UBE3A: variants seen among roughly 807,000 people sequenced by gnomAD.
UBE3A encodes ubiquitin protein ligase E3A.
A neutral mutation model predicts 83.4 loss-of-function variants in UBE3A; 6 were observed. That is an observed-to-expected ratio of 0.07 (90% CI 0.04 to 0.14). UBE3A has a LOEUF of 0.14. Among genes scored for constraint, UBE3A ranks in the 10% least tolerant of loss-of-function variants. The pLI, the probability that UBE3A is intolerant of heterozygous loss-of-function variation, is 1.00. For synonymous variants in UBE3A, 337 were observed against 355.4 expected, an observed-to-expected ratio of 0.95 and a Z score of 0.58; for missense variants, 456 against 1,036.1, an observed-to-expected ratio of 0.44 and a Z score of 7.69.
At chr15:25,426,598 A>T (rs1891384991) in intron 1 of UBE3A, among the ~76,000 whole-genome samples, 1 of 152,238 alleles carries the variant, frequency 6.6e-6, no homozygotes, top group Admixed American at 6.5e-5. Flanking sequence ...TGTAGCACTT[A>T]AACGCATAAA....
intron 3 of UBE3A, chr15:25,407,874 TAAC>T (rs1405653697): frequency 6.7e-6 from 1 of 149,748 alleles, no homozygotes; most frequent in African/African-American, 2.5e-5. Context: ...CTCATCCTAA[TAAC>T]AGTATATTTC....
intron 1 of UBE3A, among the ~76,000 whole-genome samples, chr15:25,435,802 T>G (rs911740319): frequency 6.6e-6 from 1 of 152,130 alleles, no homozygotes; most frequent in Non-Finnish European, 1.5e-5. Flanking sequence ...TGGTAAACAC[T>G]AGGAATTCCT....
In UBE3A at chr15:25,338,647, G is replaced by C. The variant is rs1038711290; in HGVS notation, c.*490C>G. The C allele has an allele frequency of 1.3e-5, 2 of 152,050 alleles. No individual in the cohort carries two copies. The highest frequency in any genetic ancestry group is 4.2e-4 in the South Asian group (2 of 4,816). 9.4% of individuals were successfully genotyped at this position (152,050 alleles called of 1,614,324 possible). On this transcript the variant is annotated 3_prime_UTR_variant, in exon 13 of 13. Coordinates refer to ENST00000648336, the MANE Select transcript of UBE3A (RefSeq NM_130839.5). ...AATCATTAAAAAAAATACAGTTCCT[G>C]ATTTGAGTTAGATACAGGGACAAAA...
Position 25,370,476 on chromosome 15 carries a change from T to G in UBE3A, c.1608+90A>C, listed in dbSNP as rs2080147197. The G allele has an allele frequency of 6.9e-7, 1 of 1,456,362 alleles. No homozygotes were observed. The highest frequency in any genetic ancestry group is 1.4e-5 in the African/African-American group (1 of 71,786). The allele number at this position is 1,456,362 out of a possible 1,614,324, so 90.2% of individuals were successfully genotyped here. The stretch of plus-strand genomic sequence containing the variant: ...CCATGTGTTCCTATGCTATATGGTA[T>G]CATTTTTTTCAGTCACTTTTAAAAT... On this transcript the variant is annotated intron_variant, in intron 6 of 12. Coordinates refer to ENST00000648336, the MANE Select transcript of UBE3A (RefSeq NM_130839.5). The surrounding 1 kb of genome is among the most constrained non-coding windows in gnomAD (Gnocchi z 4.2).
At chr15:25,433,207 C>T (rs8025830) in intron 1 of UBE3A, among the ~76,000 whole-genome samples, 144,248 of 149,480 alleles carry the variant, frequency 0.96, 69,748 homozygotes, top group East Asian at 1. Flanking sequence ...TTTTTTTTTT[C>T]TTTGAGAGGC....
chr15:25,354,492 C>T (rs201804128), intron 10 of UBE3A, 36 bp downstream of exon 10: 26 of 1,613,646 alleles, frequency 1.6e-5, no homozygotes, highest in Admixed American at 8.3e-5. Flanking sequence ...AACAATAAAT[C>T]GATACATGAC....
chr15:25,410,795 C>T (rs2089838479), intron 2 of UBE3A, among the ~76,000 whole-genome samples: 1 of 152,078 alleles, frequency 6.6e-6, no homozygotes, highest in African/African-American at 2.4e-5. Context: ...ATACTCCTAT[C>T]CTAACTATAC....
chr15:25,363,265 T>C (rs78338561), intron 6 of UBE3A, among the ~76,000 whole-genome samples: 1,993 of 152,302 alleles, frequency 0.013, 43 homozygotes, highest in African/African-American at 0.046. Context: ...ATAACCATAA[T>C]AATATAGTAA....
At position 25,338,127 on chromosome 15, in the gene UBE3A, G is replaced by C. The variant is rs183905650; in HGVS notation, c.*1010C>G. The C allele has an allele frequency of 2.6e-5, 4 of 152,102 alleles. No individual in the cohort carries two copies. The highest frequency in any genetic ancestry group is 5.9e-5 in the Non-Finnish European group (4 of 67,994). 9.4% of individuals were successfully genotyped at this position (152,102 alleles called of 1,614,324 possible). ...TGATTCAACAAGATGATGGCAACAC[G>C]AAGGGGAGACTTTGGATTGTCTATT... On this transcript the variant is annotated 3_prime_UTR_variant, in exon 13 of 13. Coordinates refer to ENST00000648336, the MANE Select transcript of UBE3A (RefSeq NM_130839.5).
Position 25,350,352 on chromosome 15 carries a change from G to GC in UBE3A, c.2354+4000dup, listed in dbSNP as rs1566870328. Among the ~76,000 whole-genome samples the GC allele has an allele frequency of 1.5e-4, 22 of 149,170 alleles. No homozygotes were observed. In the South Asian group the frequency reaches 4.2e-3, roughly 29 times the overall value. ...AACCAACTCTCCCTGCCCTGCACCC[G>GC]CCAACACACACATACATCAAAAACC... On this transcript the variant is annotated intron_variant, in intron 11 of 12. Coordinates refer to ENST00000648336, the MANE Select transcript of UBE3A (RefSeq NM_130839.5).
At chr15:25,381,656 T>C (rs765957462) in intron 4 of UBE3A, among the ~76,000 whole-genome samples, 1 of 152,214 alleles carries the variant, frequency 6.6e-6, no homozygotes, top group African/African-American at 2.4e-5. Flanking sequence ...AACCACTGCT[T>C]AGTAATTTCT....
Position 25,409,157 on chromosome 15 carries a change from T to C in UBE3A, c.-50A>G, listed in dbSNP as rs762051839. ...CTTTGAGTCACTGATTAAAAACAGG[T>C]TGTCACACCAGTCTAGCTGCTACCT... On this transcript the variant is annotated 5_prime_UTR_variant, in exon 3 of 13. Coordinates refer to ENST00000648336, the MANE Select transcript of UBE3A (RefSeq NM_130839.5). 3 of 1,579,038 alleles carry C rather than the reference T, an allele frequency of 1.9e-6. No individual in the cohort carries two copies. Among genetic ancestry groups the C allele is most frequent in the African/African-American group, 1.3e-5 (1 of 74,664 alleles).
At chr15:25,415,386 C>T (rs1295924541) in intron 1 of UBE3A, among the ~76,000 whole-genome samples, 2 of 152,194 alleles carry the variant, frequency 1.3e-5, no homozygotes, top group Non-Finnish European at 2.9e-5. Context: ...AGCACTACTG[C>T]CCACTATATG....
chr15:25,400,424 C>T (rs1429793115), intron 4 of UBE3A, among the ~76,000 whole-genome samples: 1 of 152,164 alleles, frequency 6.6e-6, no homozygotes, highest in African/African-American at 2.4e-5. Context: ...TAAATAGTTG[C>T]TATACTGTAG....
At chr15:25,432,811 T>C (rs1262100122) in intron 1 of UBE3A, among the ~76,000 whole-genome samples, 1 of 152,220 alleles carries the variant, frequency 6.6e-6, no homozygotes, top group Non-Finnish European at 1.5e-5. Flanking sequence ...ACTACCTCTA[T>C]GCTCTTACTT....
chr15:25,419,108 T>C (rs900724065), intron 1 of UBE3A: 2 of 152,206 alleles, frequency 1.3e-5, no homozygotes, highest in African/African-American at 2.4e-5. Flanking sequence ...GAGAGATTCA[T>C]GAGCAAAATA....
In UBE3A at chr15:25,371,838, A is replaced by T. The variant is rs775070175; in HGVS notation, c.362-26T>A. On this transcript the variant is annotated intron_variant, in intron 5 of 12. Coordinates refer to ENST00000648336, the MANE Select transcript of UBE3A (RefSeq NM_130839.5). The surrounding 1 kb of genome is among the most constrained non-coding windows in gnomAD (Gnocchi z 5.3). ...CTAGAAAATCAGAGGAAAAAAGAGA[A>T]CATTTATTTTCATAATATGTATGTT... 7.3e-5 allele frequency: 117 copies of T among 1,594,702 alleles called. No homozygotes were observed. The highest frequency in any genetic ancestry group is 9.9e-5 in the Non-Finnish European group (116 of 1,175,040).
At chr15:25,393,447 C>T (rs2084867155) in intron 4 of UBE3A, among the ~76,000 whole-genome samples, 1 of 152,108 alleles carries the variant, frequency 6.6e-6, no homozygotes, top group African/African-American at 2.4e-5. Flanking sequence ...AAAAGTTCTG[C>T]TAATTTGGGG....
At chr15:25,342,173 T>G (rs2074953705) in intron 11 of UBE3A, among the ~76,000 whole-genome samples, 1 of 152,120 alleles carries the variant, frequency 6.6e-6, no homozygotes, top group Non-Finnish European at 1.5e-5. Context: ...AAAACAAGTC[T>G]GCTGTAGCAC....
Sources: allele counts gnomAD v4.1 joint callset (sites outside exome capture counted in the v4.1 genomes callset), GRCh38; gene constraint gnomAD v4.1.1; non-coding constraint Gnocchi (gnomAD v3.1); transcripts MANE v1.5; gene names NCBI Gene and HGNC (gene_info 2026-07-23, HGNC 2026-07-21).